Variants in CAST observed in about 807,000 individuals in gnomAD.
CAST encodes MIR583 host.
CAST carries 76 observed loss-of-function variants against 119.6 expected under a neutral mutation model. The observed-to-expected ratio is 0.64, with a 90% confidence interval of 0.53 to 0.77. The LOEUF (loss-of-function observed/expected upper bound fraction) is 0.77. Ranked by LOEUF, CAST falls within the 30% of genes least tolerant of loss-of-function variation. CAST has a pLI of 0.00. For synonymous variants in CAST, 319 were observed against 331.6 expected, an observed-to-expected ratio of 0.96 and a Z score of 0.41; for missense variants, 953 against 946.5, an observed-to-expected ratio of 1.01 and a Z score of -0.09.
intron 16 of CAST, among the ~76,000 whole-genome samples, chr5:96,744,159 G>A (rs1222552055): frequency 4.6e-5 from 7 of 152,210 alleles, no homozygotes. Flanking sequence ...GAAAACTTCA[G>A]AGTCGCAGCA....
the CAST span, among the ~76,000 whole-genome samples, chr5:96,278,359 C>T: frequency 4.6e-5 from 7 of 152,008 alleles, no homozygotes; most frequent in Non-Finnish European, 8.8e-5. Flanking sequence ...CAGGATGGTA[C>T]CTGCCAGCTA....
chr5:96,735,844 G>T (rs1414940868), intron 9 of CAST, among the ~76,000 whole-genome samples: 1 of 152,210 alleles, frequency 6.6e-6, no homozygotes, highest in East Asian at 1.9e-4. Flanking sequence ...AAGAATTCAT[G>T]GATGTTGTAA....
At chr5:96,089,495 T>C in the CAST span, among the ~76,000 whole-genome samples, 94,313 of 152,082 alleles carry the variant, frequency 0.62, 29,448 homozygotes, top group South Asian at 0.68. Flanking sequence ...AAATAAGTTA[T>C]CATACATCCA....
the CAST span, among the ~76,000 whole-genome samples, chr5:96,260,539 CAGAATAATAT>C: frequency 6.6e-6 from 1 of 152,172 alleles, no homozygotes; most frequent in Admixed American, 6.5e-5. Flanking sequence ...GGGAAATTGT[CAGAATAATAT>C]ATGCATTTAT....
rs907867188 is a variant in CAST, at chr5:96,721,106, T to C, written c.211-1533T>C. On this transcript the variant is annotated intron_variant, in intron 3 of 31. Coordinates refer to ENST00000675179, the MANE Select transcript of CAST (RefSeq NM_001750.7). ...TAATTTGATAGAGGGAAAATCTGTCTTGGTACATCTTACAGTTTTCAGTAC... is the reference window on the plus strand; with the variant it reads ...TAATTTGATAGAGGGAAAATCTGTCCTGGTACATCTTACAGTTTTCAGTAC... Among the ~76,000 whole-genome samples, 8 of 152,310 alleles carry C rather than the reference T, an allele frequency of 5.3e-5. No homozygotes were observed. The South Asian group carries it at 1.2e-3, about 24-fold the overall frequency.
At chr5:96,069,081 A>G in the CAST span, among the ~76,000 whole-genome samples, 2 of 151,520 alleles carry the variant, frequency 1.3e-5, no homozygotes, top group Non-Finnish European at 2.9e-5. Context: ...ATATATGTAT[A>G]CACATACACA....
chr5:96,584,058 G>A (rs1387199311), intron 1 of CAST, among the ~76,000 whole-genome samples: 1 of 152,142 alleles, frequency 6.6e-6, no homozygotes, highest in Non-Finnish European at 1.5e-5. Flanking sequence ...ATGATCCCTA[G>A]GTCAGTAGTC....
the CAST span, among the ~76,000 whole-genome samples, chr5:96,274,529 T>TTTGGA: frequency 6.6e-6 from 1 of 152,232 alleles, no homozygotes; most frequent in South Asian, 2.1e-4. Context: ...TGAAATGTAT[T>TTTGGA]TTGGAACAGA....
At chr5:96,077,179 CATT>C in the CAST span, among the ~76,000 whole-genome samples, 1 of 151,862 alleles carries the variant, frequency 6.6e-6, no homozygotes, top group Non-Finnish European at 1.5e-5. Context: ...TCATAAATAA[CATT>C]ATATTGACAT....
chr5:96,048,645 T>C, the CAST span, among the ~76,000 whole-genome samples: 28 of 152,194 alleles, frequency 1.8e-4, no homozygotes, highest in African/African-American at 6.5e-4. Flanking sequence ...CTAAAATGAT[T>C]GCCTCAAATC....
chr5:96,115,179 C>T, the CAST span, among the ~76,000 whole-genome samples: 1 of 152,204 alleles, frequency 6.6e-6, no homozygotes, highest in Admixed American at 6.5e-5. Context: ...CCTTGACAAG[C>T]TCCCCACTAC....
chr5:96,204,511 C>CT, the CAST span, among the ~76,000 whole-genome samples: 5 of 152,078 alleles, frequency 3.3e-5, no homozygotes, highest in Admixed American at 2.0e-4. Flanking sequence ...AGAAACCAGG[C>CT]TACAAGTTCC....
the CAST span, among the ~76,000 whole-genome samples, chr5:96,368,952 C>A: frequency 6.6e-6 from 1 of 152,008 alleles, no homozygotes; most frequent in African/African-American, 2.4e-5. Flanking sequence ...TTGCATGAAA[C>A]CTGTTTTCTC....
upstream of CAST, among the ~76,000 whole-genome samples, chr5:96,520,822 T>C (rs373679632): frequency 3.9e-5 from 6 of 152,222 alleles, no homozygotes; most frequent in Non-Finnish European, 8.8e-5. Flanking sequence ...CCACCTACTA[T>C]GTACAGGCAC....
chr5:96,531,249 G>C (rs1273258278), intron 1 of CAST, among the ~76,000 whole-genome samples: 4 of 152,144 alleles, frequency 2.6e-5, no homozygotes, highest in Non-Finnish European at 5.9e-5. Flanking sequence ...AACACATAGG[G>C]GTGGCAGGCT....
chr5:96,750,574 T>C lies in CAST; in HGVS notation c.1429-13T>C. 6.3e-7 allele frequency: 1 copy of C among 1,578,528 alleles called. No homozygotes were observed. Among genetic ancestry groups the C allele is most frequent in the Non-Finnish European group, 8.7e-7 (1 of 1,147,946 alleles). On this transcript the variant is annotated splice_polypyrimidine_tract_variant and intron_variant, in intron 19 of 31. Coordinates refer to ENST00000675179, the MANE Select transcript of CAST (RefSeq NM_001750.7). ...TTTCTAAACTTATTGAGAGTACTTG[T>C]GTCTTTCCTCAGGAATCTAAGGCCG... is the stretch of plus-strand genomic sequence containing the variant.
chr5:96,382,594 G>A, the CAST span, among the ~76,000 whole-genome samples: 1 of 152,196 alleles, frequency 6.6e-6, no homozygotes, highest in Non-Finnish European at 1.5e-5. Context: ...ATACAACGAT[G>A]AATAAAAACA....
At chr5:96,092,912 C>T in the CAST span, among the ~76,000 whole-genome samples, 38 of 152,262 alleles carry the variant, frequency 2.5e-4, no homozygotes, top group South Asian at 6.8e-3. Context: ...AGCTATTTAG[C>T]GGCAGAGTGG....
the CAST span, among the ~76,000 whole-genome samples, chr5:96,340,207 CTGT>C: frequency 6.6e-6 from 1 of 152,222 alleles, no homozygotes; most frequent in Admixed American, 6.5e-5. Context: ...CTAATTTGCG[CTGT>C]TGTCTTCCCA....
Sources: gnomAD v4.1 joint callset for allele counts (sites outside exome capture counted in the v4.1 genomes callset) on GRCh38, gnomAD v4.1.1 for gene constraint, MANE v1.5 for transcripts, NCBI Gene and HGNC (gene_info 2026-07-23, HGNC 2026-07-21) for gene names.